Variants in ST3GAL3 observed in about 807,000 individuals in gnomAD.
ST3GAL3 encodes the protein CMP-N-acetylneuraminate-beta-1,4-galactoside alpha-2,3-sialyltransferase.
ST3GAL3 carries 21 observed loss-of-function variants against 50.1 expected under a neutral mutation model. The observed-to-expected ratio is 0.42, with a 90% CI of 0.30 to 0.60. ST3GAL3 has a LOEUF of 0.60. Among genes scored for constraint, ST3GAL3 ranks in the 20% least tolerant of loss-of-function variants. The probability of loss-of-function intolerance (pLI) is 0.19; values close to 1 mark genes in which losing one functional copy is unlikely to be tolerated. For missense variants in ST3GAL3, 353 were observed against 489.4 expected (o/e 0.72, Z 2.63); for synonymous variants, 183 against 190.0 (o/e 0.96, Z 0.30).
intron 2 of ST3GAL3, among the ~76,000 whole-genome samples, chr1:43,784,377 C>T (rs1384852088): frequency 6.6e-6 from 1 of 152,124 alleles, no homozygotes; most frequent in African/African-American, 2.4e-5. Flanking sequence ...AGTGTGGTGG[C>T]ACATGCCTGT....
chr1:43,773,725 C>A (rs895917382), intron 2 of ST3GAL3, among the ~76,000 whole-genome samples: 1 of 152,198 alleles, frequency 6.6e-6, no homozygotes, highest in Admixed American at 6.5e-5. Flanking sequence ...CATTATCACA[C>A]TAAGACAATG....
chr1:43,817,639 C>A (rs2061509479), intron 4 of ST3GAL3, among the ~76,000 whole-genome samples: 1 of 132,922 alleles, frequency 7.5e-6, no homozygotes, highest in Non-Finnish European at 1.6e-5. Flanking sequence ...TCTCCTCCTC[C>A]TTCTCCTCCT....
chr1:43,926,369 A>G (rs1157439208), intron 11 of ST3GAL3, among the ~76,000 whole-genome samples: 2 of 152,204 alleles, frequency 1.3e-5, no homozygotes, highest in African/African-American at 2.4e-5. Flanking sequence ...CGGATGGATC[A>G]TCTGAGGTCG....
chr1:43,709,590 A>G (rs1440801750), intron 1 of ST3GAL3: 1 of 152,022 alleles, frequency 6.6e-6, no homozygotes, highest in Admixed American at 6.6e-5. Context: ...CATGTTGCCC[A>G]GGCTGTTCTT....
chr1:43,756,343 A>C (rs1015613340), intron 2 of ST3GAL3, among the ~76,000 whole-genome samples: 1 of 152,092 alleles, frequency 6.6e-6, no homozygotes, highest in Admixed American at 6.5e-5. Flanking sequence ...AACGGACACA[A>C]AAAATTTTTT....
chr1:43,804,653 G>A (rs1429111875), intron 3 of ST3GAL3, among the ~76,000 whole-genome samples: 2 of 152,176 alleles, frequency 1.3e-5, no homozygotes, highest in African/African-American at 4.8e-5. Flanking sequence ...AAAATAGAAG[G>A]TGTGAAGGGC....
At chr1:43,773,681 A>G (rs1696155453) in intron 2 of ST3GAL3, among the ~76,000 whole-genome samples, 1 of 152,210 alleles carries the variant, frequency 6.6e-6, no homozygotes, top group Non-Finnish European at 1.5e-5. Context: ...ACCTCCTGAA[A>G]AAACAAAGTT....
intron 2 of ST3GAL3, among the ~76,000 whole-genome samples, chr1:43,741,263 A>G (rs960910477): frequency 8.5e-5 from 13 of 152,098 alleles, no homozygotes; most frequent in Admixed American, 2.0e-4. Flanking sequence ...CAGGAAGTCA[A>G]TCAAGGCTGC....
At chr1:43,825,660 C>T (rs1240680181) in intron 4 of ST3GAL3, among the ~76,000 whole-genome samples, 1 of 152,150 alleles carries the variant, frequency 6.6e-6, no homozygotes, top group Non-Finnish European at 1.5e-5. Flanking sequence ...ATATGGGCTT[C>T]ATCTCAAGGG....
chr1:43,830,067 GTGCAATCTCAGCTTAC>G (rs2063343373), intron 4 of ST3GAL3, among the ~76,000 whole-genome samples: 1 of 121,648 alleles, frequency 8.2e-6, no homozygotes, highest in South Asian at 2.7e-4. Flanking sequence ...GAGTTCAGTA[GTGCAATCTCAGCTTAC>G]TGCAGCCTCA....
At chr1:43,885,046 T>C (rs1171440966) in intron 5 of ST3GAL3, among the ~76,000 whole-genome samples, 1 of 152,216 alleles carries the variant, frequency 6.6e-6, no homozygotes, top group Non-Finnish European at 1.5e-5. Flanking sequence ...GATGAGCCAG[T>C]GTTGAGGACA....
chr1:43,874,362 G>T (rs1425070300), intron 5 of ST3GAL3, among the ~76,000 whole-genome samples: 1 of 152,182 alleles, frequency 6.6e-6, no homozygotes, highest in Non-Finnish European at 1.5e-5. Context: ...TTGGAGACAG[G>T]CAAATGTAGA....
chr1:43,865,448 AC>A (rs1436966055), intron 5 of ST3GAL3, among the ~76,000 whole-genome samples: 2 of 151,950 alleles, frequency 1.3e-5, no homozygotes, highest in African/African-American at 4.8e-5. Flanking sequence ...TCAACTTGAA[AC>A]CTGTTTACTT....
intron 5 of ST3GAL3, among the ~76,000 whole-genome samples, chr1:43,846,348 T>A (rs1431704370): frequency 6.6e-6 from 1 of 152,224 alleles, no homozygotes; most frequent in Admixed American, 6.5e-5. Flanking sequence ...GAAATGTCCC[T>A]TTTTCTTATT....
In ST3GAL3 at chr1:43,920,438, C is replaced by T; in HGVS notation, c.779C>T (p.Thr260Ile). The change falls in exon 10 of 12, where the codon ACT becomes ATT. Residue 260 changes from threonine (T) to isoleucine (I), a missense_variant. Transcript: ENST00000347631. ...GATGGCTTCTGGAAATCTGTGGCCA[C>T]TCGAGTGCCCAAGGAGCCCCCTGAG... ...ASDGFWKSVATRVPKEPPEIR... is the reference protein window; with the variant it reads ...ASDGFWKSVAIRVPKEPPEIR... The T allele has an allele frequency of 6.2e-7, 1 of 1,614,092 alleles. No individual in the cohort carries two copies.
Position 43,891,706 on chromosome 1 carries a change from T to C in ST3GAL3, c.303-2677T>C, listed in dbSNP as rs563529568. On this transcript the variant is annotated intron_variant, in intron 5 of 11. Coordinates refer to ENST00000347631, the MANE Select transcript of ST3GAL3 (RefSeq NM_006279.5). ...GCCTCATTAATCATTCTTTGGGGGC[T>C]GTTAAGGAATCAGCTCATTATTCTG... is the stretch of plus-strand genomic sequence containing the variant. 9.2e-5 allele frequency among the ~76,000 whole-genome samples: 14 copies of C among 152,324 alleles called. No individual in the cohort carries two copies. The East Asian group carries it at 2.7e-3, about 29-fold the overall frequency.
intron 2 of ST3GAL3, among the ~76,000 whole-genome samples, chr1:43,780,537 C>T (rs1288869993): frequency 1.3e-5 from 2 of 152,058 alleles, no homozygotes; most frequent in African/African-American, 4.8e-5. Flanking sequence ...TTCTAGAACT[C>T]CCATATTCAG....
At chr1:43,867,993 C>A (rs1156786161) in intron 5 of ST3GAL3, among the ~76,000 whole-genome samples, 1 of 152,170 alleles carries the variant, frequency 6.6e-6, no homozygotes, top group Non-Finnish European at 1.5e-5. Flanking sequence ...ATGTGGATTC[C>A]ACTTCATCCA....
chr1:43,767,877 A>G (rs1693691645), intron 2 of ST3GAL3, among the ~76,000 whole-genome samples: 1 of 152,128 alleles, frequency 6.6e-6, no homozygotes, highest in Admixed American at 6.5e-5. Context: ...TGATGCTACT[A>G]TAACCTATAA....
Sources: gnomAD v4.1 joint callset for allele counts (sites outside exome capture counted in the v4.1 genomes callset) on GRCh38, gnomAD v4.1.1 for gene constraint, MANE v1.5 for transcripts, NCBI Gene and HGNC (gene_info 2026-07-23, HGNC 2026-07-21) for gene names.